MAD1L1: variants seen among roughly 807,000 people sequenced by gnomAD.
The protein encoded by MAD1L1 is mitotic spindle assembly checkpoint protein MAD1.
Under a neutral mutation model 96.9 loss-of-function variants are expected in MAD1L1, and 95 were observed. The ratio of observed to expected loss-of-function variants is 0.98; its 90% CI spans 0.83 to 1.16. The LOEUF (loss-of-function observed/expected upper bound fraction) is 1.16, where lower values mean the gene tolerates loss of function less well. Among genes scored for constraint, MAD1L1 ranks in the 50% most tolerant of loss-of-function variants. The pLI, the probability that MAD1L1 is intolerant of heterozygous loss-of-function variation, is 0.00. For synonymous variants in MAD1L1, 473 were observed against 396.6 expected, an observed-to-expected ratio of 1.19 and a Z score of -2.29; for missense variants, 1,007 against 954.4, an observed-to-expected ratio of 1.06 and a Z score of -0.73.
intron 11 of MAD1L1, among the ~76,000 whole-genome samples, chr7:2,080,660 C>G (rs1785595781): frequency 6.6e-6 from 1 of 152,188 alleles, no homozygotes; most frequent in Admixed American, 6.5e-5. Flanking sequence ...AAGTCCATCC[C>G]CAGGCAGCTG....
At chr7:1,912,786 G>A (rs6957949) in intron 17 of MAD1L1, among the ~76,000 whole-genome samples, 256 of 152,316 alleles carry the variant, frequency 1.7e-3, no homozygotes, top group African/African-American at 5.8e-3. Context: ...GAGTCAAGAC[G>A]TGACCACAGA....
intron 11 of MAD1L1, among the ~76,000 whole-genome samples, chr7:2,115,010 G>A (rs1787591000): frequency 6.6e-6 from 1 of 152,228 alleles, no homozygotes; most frequent in South Asian, 2.1e-4. Flanking sequence ...CAGCAGAGAA[G>A]AGCAGAGCGC....
chr7:2,169,270 G>A (rs1454503705), intron 10 of MAD1L1, among the ~76,000 whole-genome samples: 1 of 152,190 alleles, frequency 6.6e-6, no homozygotes, highest in East Asian at 1.9e-4. Flanking sequence ...AATCTCCTAA[G>A]AGCGGGTAGG....
At position 2,215,822 on chromosome 7, in the gene MAD1L1, C is replaced by A; in HGVS notation, c.924+63G>T. 4 of 1,479,300 alleles carry A rather than the reference C, an allele frequency of 2.7e-6. No individual in the cohort carries two copies. In the Middle Eastern group the frequency reaches 5.1e-4, roughly 190 times the overall value. 91.6% of individuals were successfully genotyped at this position (1,479,300 alleles called of 1,614,324 possible). On this transcript the variant is annotated intron_variant, in intron 9 of 18. Coordinates refer to ENST00000265854, the MANE Select transcript of MAD1L1 (RefSeq NM_001013836.2). ...GCAGCTGGTGGGCGTGACCACAATACCGAGGCTCCTCCAGGCAGGGCAGAG... is the reference window on the plus strand; with the variant it reads ...GCAGCTGGTGGGCGTGACCACAATAACGAGGCTCCTCCAGGCAGGGCAGAG...
chr7:2,228,852 T>C (rs1794049468), intron 3 of MAD1L1, among the ~76,000 whole-genome samples: 1 of 151,998 alleles, frequency 6.6e-6, no homozygotes, highest in Non-Finnish European at 1.5e-5. Flanking sequence ...ACCATTCTCC[T>C]GCTCCAGCCT....
At chr7:2,100,496 C>T (rs1406681329) in intron 11 of MAD1L1, among the ~76,000 whole-genome samples, 4 of 152,268 alleles carry the variant, frequency 2.6e-5, no homozygotes, top group African/African-American at 4.8e-5. Context: ...CCCTACCCAC[C>T]TGCCCACCCG....
intron 18 of MAD1L1, among the ~76,000 whole-genome samples, chr7:1,889,513 C>T (rs892508190): frequency 3.9e-5 from 6 of 152,338 alleles, no homozygotes; most frequent in East Asian, 1.9e-4. Context: ...TGAGGCTTGT[C>T]GGGGCCAGGC....
At chr7:1,990,410 G>A (rs565261278) in intron 14 of MAD1L1, among the ~76,000 whole-genome samples, 2 of 152,338 alleles carry the variant, frequency 1.3e-5, no homozygotes, top group Non-Finnish European at 2.9e-5. Context: ...GAGGCCTCGG[G>A]GGGATCTTAG....
chr7:2,138,845 C>A (rs1448920537), intron 11 of MAD1L1, among the ~76,000 whole-genome samples: 1 of 152,218 alleles, frequency 6.6e-6, no homozygotes, highest in Non-Finnish European at 1.5e-5. Context: ...CCCACTCCTG[C>A]AAACAATGCC....
At position 2,142,935 on chromosome 7, in the gene MAD1L1, T is replaced by G. The variant is rs907152492; in HGVS notation, c.1073+6217A>C. On this transcript the variant is annotated intron_variant, in intron 11 of 18. Transcript: ENST00000265854. The surrounding 1 kb of genome is among the most constrained non-coding windows in gnomAD (Gnocchi z 4.7). ...TGACCTCCCAGATGCCCCCACCGCC[T>G]AACCCGTCTGATCATCACCACTGGC... Among the ~76,000 whole-genome samples, 3 of 152,130 alleles carry G rather than the reference T, an allele frequency of 2.0e-5. No individual in the cohort carries two copies. Among genetic ancestry groups the G allele is most frequent in the African/African-American group, 7.2e-5 (3 of 41,410 alleles).
chr7:2,116,872 A>T (rs550781364), intron 11 of MAD1L1, among the ~76,000 whole-genome samples: 1 of 152,352 alleles, frequency 6.6e-6, no homozygotes, highest in Admixed American at 6.5e-5. Flanking sequence ...AAGTCCCAGG[A>T]GATCCTGAAG....
intron 17 of MAD1L1, among the ~76,000 whole-genome samples, chr7:1,911,135 C>T (rs996305805): frequency 3.9e-5 from 6 of 152,166 alleles, no homozygotes; most frequent in East Asian, 3.9e-4. Flanking sequence ...CTCCCTCCAT[C>T]CCCCGCACCC....
chr7:1,922,630 C>T (rs150398128), intron 17 of MAD1L1, among the ~76,000 whole-genome samples: 12 of 152,328 alleles, frequency 7.9e-5, no homozygotes, highest in African/African-American at 2.6e-4. Flanking sequence ...CGTGTGCCTT[C>T]GACCTCCTCA....
At chr7:2,174,199 C>T (rs1322072146) in intron 10 of MAD1L1, among the ~76,000 whole-genome samples, 2 of 152,326 alleles carry the variant, frequency 1.3e-5, no homozygotes, top group South Asian at 4.1e-4. Context: ...GTTAGTTTCA[C>T]TGGGTATAGA....
intron 10 of MAD1L1, among the ~76,000 whole-genome samples, chr7:2,182,100 A>T (rs1791228870): frequency 6.6e-6 from 1 of 152,140 alleles, no homozygotes; most frequent in South Asian, 2.1e-4. Flanking sequence ...GCAATCAAAC[A>T]CCACGTTCCC....
chr7:1,975,904 T>C (rs1475396101), intron 15 of MAD1L1, among the ~76,000 whole-genome samples: 1 of 152,184 alleles, frequency 6.6e-6, no homozygotes, highest in African/African-American at 2.4e-5. Context: ...CCTCTGGAAT[T>C]AGCAAGCGTC....
intron 17 of MAD1L1, among the ~76,000 whole-genome samples, chr7:1,906,762 G>A (rs1403857470): frequency 1.3e-5 from 2 of 152,214 alleles, no homozygotes; most frequent in African/African-American, 4.8e-5. Context: ...TGTTGAACAC[G>A]CAGGTGAGCG....
At chr7:1,882,496 C>G (rs946909649) in intron 18 of MAD1L1, among the ~76,000 whole-genome samples, 2 of 152,170 alleles carry the variant, frequency 1.3e-5, no homozygotes, top group Non-Finnish European at 2.9e-5. Flanking sequence ...GTGAGGGGCG[C>G]GCGGGCCGTG....
At chr7:2,224,840 C>A (rs894429070) in intron 4 of MAD1L1, among the ~76,000 whole-genome samples, 1 of 152,162 alleles carries the variant, frequency 6.6e-6, no homozygotes, top group Non-Finnish European at 1.5e-5. Context: ...AGGAGCAACA[C>A]AGAGCCGCCA....
Sources: allele counts gnomAD v4.1 joint callset (sites outside exome capture counted in the v4.1 genomes callset), GRCh38; gene constraint gnomAD v4.1.1; non-coding constraint Gnocchi (gnomAD v3.1); transcripts MANE v1.5; gene names NCBI Gene and HGNC (gene_info 2026-07-23, HGNC 2026-07-21).